Variants in KCNQ1 observed in about 807,000 individuals in gnomAD.
The protein encoded by KCNQ1 is potassium voltage-gated channel subfamily Q member 1.
KCNQ1 carries 49 observed loss-of-function variants against 72.4 expected under a neutral mutation model. That is an observed-to-expected ratio of 0.68 (90% CI 0.54 to 0.86). The LOEUF (loss-of-function observed/expected upper bound fraction) is 0.86. KCNQ1 is among the 40% of genes least tolerant of loss of function. The pLI, the probability that KCNQ1 is intolerant of heterozygous loss-of-function variation, is 0.00. For missense variants in KCNQ1, 790 were observed against 945.1 expected, an observed-to-expected ratio of 0.84 and a Z score of 2.15; for synonymous variants, 450 against 412.6, an observed-to-expected ratio of 1.09 and a Z score of -1.10.
At chr11:2,804,559 A>G (rs1847336116) in intron 15 of KCNQ1, among the ~76,000 whole-genome samples, 1 of 152,192 alleles carries the variant, frequency 6.6e-6, no homozygotes, top group Non-Finnish European at 1.5e-5. Context: ...GGAGAGCATC[A>G]CTGAAATTTC....
At chr11:2,802,602 CCA>C (rs1491220183) in intron 15 of KCNQ1, among the ~76,000 whole-genome samples, 254 of 152,182 alleles carry the variant, frequency 1.7e-3, no homozygotes, top group African/African-American at 6.0e-3. Flanking sequence ...TCCTGGGTCC[CCA>C]GGGTATAGGG....
chr11:2,786,317 T>C (rs994520387), intron 15 of KCNQ1, among the ~76,000 whole-genome samples: 1 of 152,216 alleles, frequency 6.6e-6, no homozygotes, highest in Non-Finnish European at 1.5e-5. Context: ...GATGAATTGT[T>C]GCTCCTTGGA....
At chr11:2,697,603 A>AT (rs1208849948) in intron 11 of KCNQ1, 17 of 398,174 alleles carry the variant, frequency 4.3e-5, no homozygotes, top group Non-Finnish European at 5.3e-5. Context: ...TTATCACATC[A>AT]TTTTTTTCTG....
Position 2,677,782 on chromosome 11 carries a change from C to G in KCNQ1, c.1514+15701C>G. ...ACTTTAAGAGATCCTCCCTTTCCCC[C>G]CATTTCCAGCAGGATTAAAATGTTC... is the stretch of plus-strand genomic sequence containing the variant. On this transcript the variant is annotated intron_variant, in intron 11 of 15. Transcript: ENST00000155840. This position sits in a 1 kb window ranked among gnomAD's most constrained non-coding sequence, Gnocchi z 4.5. The G allele has an allele frequency of 2.5e-6, 1 of 398,536 alleles. No individual in the cohort carries two copies. Among genetic ancestry groups the G allele is most frequent in the South Asian group, 1.3e-4 (1 of 7,856 alleles). 24.7% of individuals were successfully genotyped at this position (398,536 alleles called of 1,614,324 possible).
intron 2 of KCNQ1, among the ~76,000 whole-genome samples, chr11:2,561,119 G>A (rs1022137618): frequency 2.0e-5 from 3 of 150,858 alleles, no homozygotes; most frequent in Non-Finnish European, 4.4e-5. Context: ...GTAGAATGGT[G>A]TGAACCCCAG....
At chr11:2,558,960 C>A (rs1848115256) in intron 2 of KCNQ1, among the ~76,000 whole-genome samples, 1 of 152,138 alleles carries the variant, frequency 6.6e-6, no homozygotes, top group South Asian at 2.1e-4. Flanking sequence ...TACACCCACA[C>A]ATGGGGCCAG....
Position 2,515,905 on chromosome 11 carries a change from C to A in KCNQ1, c.387-12023C>A, listed in dbSNP as rs891203812. ...TGCCTTTCCTGCTTGCACCCCAGAG[C>A]CTGGCCACCCCTGTCCTCTGCTGAG... is the stretch of plus-strand genomic sequence containing the variant. On this transcript the variant is annotated intron_variant, in intron 1 of 15. Transcript: ENST00000155840. This position sits in a 1 kb window ranked among gnomAD's most constrained non-coding sequence, Gnocchi z 4.7. 2.5e-4 allele frequency among the ~76,000 whole-genome samples: 38 copies of A among 151,942 alleles called. No individual in the cohort carries two copies. Among genetic ancestry groups the A allele is most frequent in the Non-Finnish European group, 5.9e-5 (4 of 67,992 alleles).
At chr11:2,502,245 G>A (rs967543737) in intron 1 of KCNQ1, among the ~76,000 whole-genome samples, 2 of 152,142 alleles carry the variant, frequency 1.3e-5, no homozygotes, top group Non-Finnish European at 2.9e-5. Flanking sequence ...TGGAAAGAAA[G>A]AAGTCAAATT....
Position 2,626,814 on chromosome 11 carries a change from C to T in KCNQ1, c.1394-35147C>T, listed in dbSNP as rs1849269548. 10 of 398,620 alleles carry T rather than the reference C, an allele frequency of 2.5e-5. No individual in the cohort carries two copies. The East Asian group carries it at 3.6e-4, about 14-fold the overall frequency. 24.7% of individuals were successfully genotyped at this position (398,620 alleles called of 1,614,324 possible). A position where few individuals can be genotyped will look rare whatever the true frequency, so the allele number is the denominator to read the frequency against. Reference sequence around the variant, plus strand: ...AAGTGCTGAGATTACAGGTGTAGGCCATTGTACCTGGCCTGTAGTAAGTTT... The same window carrying T: ...AAGTGCTGAGATTACAGGTGTAGGCTATTGTACCTGGCCTGTAGTAAGTTT... On this transcript the variant is annotated intron_variant, in intron 10 of 15. Coordinates refer to ENST00000155840, the MANE Select transcript of KCNQ1 (RefSeq NM_000218.3). The surrounding 1 kb of genome is among the most constrained non-coding windows in gnomAD (Gnocchi z 4.0).
At chr11:2,519,974 G>T (rs891265082) in intron 1 of KCNQ1, among the ~76,000 whole-genome samples, 1 of 152,238 alleles carries the variant, frequency 6.6e-6, no homozygotes, top group African/African-American at 2.4e-5. Context: ...GCACAGCACG[G>T]GAGTGATGCC....
At chr11:2,845,776 C>T (rs1413960301) in intron 15 of KCNQ1, among the ~76,000 whole-genome samples, 2 of 152,304 alleles carry the variant, frequency 1.3e-5, no homozygotes, top group South Asian at 2.1e-4. Context: ...GGGCAGGGCA[C>T]AGTCCCACCC....
chr11:2,610,745 T>TA (rs1848967501), intron 10 of KCNQ1: 1 of 358,272 alleles, frequency 2.8e-6, no homozygotes, highest in Non-Finnish European at 4.8e-6. Flanking sequence ...TTTTTTTTTT[T>TA]ACTTTGAGCA....
Position 2,464,634 on chromosome 11 carries a change from T to TG in KCNQ1, c.386+19157dup, listed in dbSNP as rs576245646. ...TTGGGGAGGCCTGGGGGACAGGAGTTGGGGGGGTGGGCAGTGCCTCTGTGT... is the reference window on the plus strand; with the variant it reads ...TTGGGGAGGCCTGGGGGACAGGAGTTGGGGGGGGTGGGCAGTGCCTCTGTGT... On this transcript the variant is annotated intron_variant, in intron 1 of 15. Coordinates refer to ENST00000155840, the MANE Select transcript of KCNQ1 (RefSeq NM_000218.3). This position sits in a 1 kb window ranked among gnomAD's most constrained non-coding sequence, Gnocchi z 5.0. Among the ~76,000 whole-genome samples the TG allele has an allele frequency of 1.4e-3, 207 of 149,374 alleles. No individual in the cohort carries two copies. The highest frequency in any genetic ancestry group is 4.8e-3 in the African/African-American group (195 of 40,758).
In KCNQ1 at chr11:2,568,823, C is replaced by T. The variant is rs181585579; in HGVS notation, c.478-1805C>T. On this transcript the variant is annotated intron_variant, in intron 2 of 15. Transcript: ENST00000155840. ...GGACAGAGGTGGGACCCACACCCCC[C>T]CCATGAGGCCACAGAGCCTGCAGGT... 4.6e-5 allele frequency among the ~76,000 whole-genome samples: 7 copies of T among 152,280 alleles called. No individual in the cohort carries two copies. The East Asian group carries it at 1.4e-3, about 29-fold the overall frequency.
intron 1 of KCNQ1, among the ~76,000 whole-genome samples, chr11:2,466,514 C>T (rs113127436): frequency 0.02 from 3,036 of 152,306 alleles, 105 homozygotes; most frequent in African/African-American, 0.07. Flanking sequence ...CCTTCTGACC[C>T]TTGCTGGCCT....
chr11:2,643,124 T>G (rs1288836406), intron 10 of KCNQ1: 2 of 397,978 alleles, frequency 5.0e-6, no homozygotes, highest in Non-Finnish European at 8.9e-6. Flanking sequence ...ATGAGAAGAG[T>G]GTATATTCTG....
rs185446017 is a variant in KCNQ1, at chr11:2,758,968, G to A, written c.1515-9876G>A. 2.0e-3 allele frequency among the ~76,000 whole-genome samples: 308 copies of A among 152,274 alleles called. 2 individuals are homozygous for A. Among genetic ancestry groups the A allele is most frequent in the African/African-American group, 7.1e-3 (297 of 41,542 alleles). On this transcript the variant is annotated intron_variant, in intron 11 of 15. Coordinates refer to ENST00000155840, the MANE Select transcript of KCNQ1 (RefSeq NM_000218.3). ...GGGAGGACTTCCATTCCTCGTTGCT[G>A]TGTGAATCTGCACGTGTGAACACAA...
Position 2,507,972 on chromosome 11 carries a change from T to C in KCNQ1, c.387-19956T>C, listed in dbSNP as rs984911542. On this transcript the variant is annotated intron_variant, in intron 1 of 15. Transcript: ENST00000155840. The surrounding 1 kb of genome is among the most constrained non-coding windows in gnomAD (Gnocchi z 5.4). The stretch of plus-strand genomic sequence containing the variant: ...GACTTGGTGATGTGGGGTTATGAGT[T>C]TTATTCCACACACGTATGTGGGAGT... Among the ~76,000 whole-genome samples, 1 of 152,014 alleles carries C rather than the reference T, an allele frequency of 6.6e-6. No individual in the cohort carries two copies. The highest frequency in any genetic ancestry group is 2.4e-5 in the African/African-American group (1 of 41,382).
intron 10 of KCNQ1, chr11:2,615,091 T>C (rs1259519931): frequency 1.8e-5 from 7 of 398,220 alleles, no homozygotes; most frequent in Non-Finnish European, 3.1e-5. Flanking sequence ...TTGTAGTCTT[T>C]AGTGCAGAAG....
Sources: gnomAD v4.1 joint callset for allele counts (sites outside exome capture counted in the v4.1 genomes callset) on GRCh38, gnomAD v4.1.1 for gene constraint, Gnocchi (gnomAD v3.1) non-coding constraint, MANE v1.5 for transcripts, NCBI Gene and HGNC (gene_info 2026-07-23, HGNC 2026-07-21) for gene names.